Variants in WDR25 observed in about 807,000 individuals in gnomAD.
WDR25 encodes the protein WD repeat-containing protein 25.
A neutral mutation model predicts 47.7 loss-of-function variants in WDR25; 35 were observed. That is an observed-to-expected ratio of 0.73 (90% CI 0.56 to 0.97). The LOEUF (loss-of-function observed/expected upper bound fraction) is 0.97. Ranked by LOEUF, WDR25 falls within the 50% of genes least tolerant of loss-of-function variation. The pLI, the probability that WDR25 is intolerant of heterozygous loss-of-function variation, is 0.00. For synonymous variants in WDR25, 248 were observed against 278.9 expected (o/e 0.89, Z 1.10); for missense variants, 634 against 704.7 (o/e 0.90, Z 1.14).
At position 100,518,773 on chromosome 14, in the gene WDR25, C is replaced by T. The variant is rs140832093; in HGVS notation, c.1102-7097C>T. On this transcript the variant is annotated intron_variant, in intron 4 of 6. Transcript: ENST00000402312. ...AGGCATTGCAACGTGTGCCTGTAGT[C>T]CCAGCTAGAGGACGGGAGGCTGAGG... Among the ~76,000 whole-genome samples, 437 of 152,020 alleles carry T rather than the reference C, an allele frequency of 2.9e-3. 5 individuals carry two copies. Among genetic ancestry groups the T allele is most frequent in the South Asian group, 0.027 (130 of 4,802 alleles).
intron 5 of WDR25, 48 bp downstream of exon 5, chr14:100,526,088 A>G (rs1595089818): frequency 6.2e-7 from 1 of 1,602,156 alleles, no homozygotes; most frequent in Non-Finnish European, 8.5e-7. Context: ...CACAGAGCGT[A>G]TCCATGTAGT....
In WDR25 at chr14:100,407,018, C is replaced by T. The variant is rs1897558187; in HGVS notation, c.822+25272C>T. 1 of 152,306 alleles carries T rather than the reference C, an allele frequency of 6.6e-6. No individual in the cohort carries two copies. Among genetic ancestry groups the T allele is most frequent in the Non-Finnish European group, 1.5e-5 (1 of 68,078 alleles). The allele number at this position is 152,306 out of a possible 1,614,324, so 9.4% of individuals were successfully genotyped here. A position where few individuals can be genotyped will look rare whatever the true frequency, so the allele number is the denominator to read the frequency against. On this transcript the variant is annotated intron_variant, in intron 2 of 6. Coordinates refer to ENST00000402312, the MANE Select transcript of WDR25 (RefSeq NM_001161476.3). This position sits in a 1 kb window ranked among gnomAD's most constrained non-coding sequence, Gnocchi z 4.1. ...AGCGAGGCTGCAGGTGTGAGAAGGA[C>T]CCCGCCGTGCCAGGGCAGCCTCAAG...
intron 2 of WDR25, among the ~76,000 whole-genome samples, chr14:100,409,273 C>T (rs949881489): frequency 6.6e-6 from 1 of 152,222 alleles, no homozygotes; most frequent in Admixed American, 6.5e-5. Flanking sequence ...ACTGGTTAAG[C>T]GTGTCTGGCG....
intron 2 of WDR25, among the ~76,000 whole-genome samples, chr14:100,445,785 A>G (rs1001551409): frequency 6.6e-5 from 10 of 152,196 alleles, no homozygotes; most frequent in Non-Finnish European, 1.2e-4. Flanking sequence ...CTGGGAGAAT[A>G]AGGACCAGGC....
chr14:100,496,457 A>G (rs1595147177), intron 4 of WDR25, among the ~76,000 whole-genome samples: 1 of 151,872 alleles, frequency 6.6e-6, no homozygotes, highest in Admixed American at 6.6e-5. Context: ...GATTTTCTCT[A>G]TTGTTTTTCT....
chr14:100,469,830 C>T (rs1245392232), intron 3 of WDR25, among the ~76,000 whole-genome samples: 1 of 152,204 alleles, frequency 6.6e-6, no homozygotes, highest in Non-Finnish European at 1.5e-5. Context: ...CACAAACCAG[C>T]AAGTGACAGA....
At chr14:100,456,269 A>G (rs1244603004) in intron 2 of WDR25, among the ~76,000 whole-genome samples, 2 of 152,194 alleles carry the variant, frequency 1.3e-5, no homozygotes, top group East Asian at 3.9e-4. Context: ...GCTTGAGCCC[A>G]GGAGTTCAAG....
At position 100,425,348 on chromosome 14, in the gene WDR25, T is replaced by C. The variant is rs1898137439; in HGVS notation, c.823-42673T>C. Among the ~76,000 whole-genome samples, 1 of 152,156 alleles carries C rather than the reference T, an allele frequency of 6.6e-6. No individual in the cohort carries two copies. Among genetic ancestry groups the C allele is most frequent in the South Asian group, 2.1e-4 (1 of 4,822 alleles). On this transcript the variant is annotated intron_variant, in intron 2 of 6. Transcript: ENST00000402312. This position sits in a 1 kb window ranked among gnomAD's most constrained non-coding sequence, Gnocchi z 4.8. ...CTCATTCCAGTGCCCAGCACAGGGG[T>C]GGCACACACCCAGGAGTAGCTGTTG...
At chr14:100,447,598 C>T (rs1226355905) in intron 2 of WDR25, among the ~76,000 whole-genome samples, 1 of 152,150 alleles carries the variant, frequency 6.6e-6, no homozygotes, top group Non-Finnish European at 1.5e-5. Flanking sequence ...GACTTGAGTG[C>T]TCTGTTTGGT....
chr14:100,429,999 G>A (rs1898280802), intron 2 of WDR25, among the ~76,000 whole-genome samples: 1 of 152,064 alleles, frequency 6.6e-6, no homozygotes, highest in Admixed American at 6.6e-5. Context: ...TGAATTTTGG[G>A]GAAGACACAT....
At position 100,449,487 on chromosome 14, in the gene WDR25, T is replaced by G. The variant is rs1308263514; in HGVS notation, c.823-18534T>G. On this transcript the variant is annotated intron_variant, in intron 2 of 6. Transcript: ENST00000402312. This position sits in a 1 kb window ranked among gnomAD's most constrained non-coding sequence, Gnocchi z 4.2. Reference sequence around the variant, plus strand: ...GCCCTGGCTGGCTGTTGCATTGGGGTGGGAGAGGCTGTCTCAGCTGGGTCT... The same window carrying G: ...GCCCTGGCTGGCTGTTGCATTGGGGGGGGAGAGGCTGTCTCAGCTGGGTCT... 2.0e-5 allele frequency among the ~76,000 whole-genome samples: 3 copies of G among 152,088 alleles called. No individual in the cohort carries two copies. Among genetic ancestry groups the G allele is most frequent in the Admixed American group, 2.0e-4 (3 of 15,268 alleles).
chr14:100,480,938 C>T (rs1900176245), intron 3 of WDR25: 1 of 397,434 alleles, frequency 2.5e-6, no homozygotes, highest in Admixed American at 3.7e-5. Flanking sequence ...ATGCACCCTC[C>T]CCATTGCCAG....
intron 2 of WDR25, among the ~76,000 whole-genome samples, chr14:100,459,894 G>GTGTGTA (rs1172584092): frequency 2.7e-4 from 21 of 78,278 alleles, no homozygotes; most frequent in South Asian, 6.1e-4. Flanking sequence ...GTGTGTGTGT[G>GTGTGTA]TATATATATA....
In WDR25 at chr14:100,525,759, C is replaced by A. The variant is rs1361706580; in HGVS notation, c.1102-111C>A. The A allele has an allele frequency of 3.9e-6, 5 of 1,284,400 alleles. No homozygotes were observed. Among genetic ancestry groups the A allele is most frequent in the Non-Finnish European group, 4.3e-6 (4 of 939,840 alleles). The allele number at this position is 1,284,400 out of a possible 1,614,324, so 79.6% of individuals were successfully genotyped here. A position where few individuals can be genotyped will look rare whatever the true frequency, so the allele number is the denominator to read the frequency against. On this transcript the variant is annotated intron_variant, in intron 4 of 6. Coordinates refer to ENST00000402312, the MANE Select transcript of WDR25 (RefSeq NM_001161476.3). The surrounding 1 kb of genome is among the most constrained non-coding windows in gnomAD (Gnocchi z 4.6). ...GCTGCTCAGCCTGGGTGTGTGTGGC[C>A]CAGCATAAACTTCACTAAACCTGCC...
chr14:100,382,142 G>A (rs1480916758), intron 2 of WDR25: 12 of 702,900 alleles, frequency 1.7e-5, no homozygotes, highest in Non-Finnish European at 2.9e-5. Flanking sequence ...TTCAAGGGCT[G>A]TTGGGAGAGG....
chr14:100,380,917 G>C lies in WDR25; in HGVS notation c.-8G>C. The C allele has an allele frequency of 1.2e-6, 2 of 1,608,160 alleles. No individual in the cohort carries two copies. Among genetic ancestry groups the C allele is most frequent in the Non-Finnish European group, 1.7e-6 (2 of 1,175,094 alleles). ...GACCTTGTTTGATCTTAGGTGGTTTGGCTTTGAATGACAGCAAGAACTCTG... is the reference window on the plus strand; with the variant it reads ...GACCTTGTTTGATCTTAGGTGGTTTCGCTTTGAATGACAGCAAGAACTCTG... On this transcript the variant is annotated 5_prime_UTR_variant, in exon 2 of 7. Transcript: ENST00000402312.
intron 4 of WDR25, among the ~76,000 whole-genome samples, chr14:100,512,303 A>G (rs866435534): frequency 1.2e-4 from 18 of 152,304 alleles, no homozygotes; most frequent in African/African-American, 3.4e-4. Context: ...CTGATTTTCT[A>G]TTAATCTTTG....
At chr14:100,420,221 A>G (rs1424983613) in intron 2 of WDR25, among the ~76,000 whole-genome samples, 1 of 152,046 alleles carries the variant, frequency 6.6e-6, no homozygotes, top group African/African-American at 2.4e-5. Context: ...GGCCCTGGCA[A>G]CCCCTTCCCC....
intron 4 of WDR25, among the ~76,000 whole-genome samples, chr14:100,516,716 AT>A (rs952850258): frequency 6.6e-6 from 1 of 151,694 alleles, no homozygotes; most frequent in African/African-American, 2.4e-5. Flanking sequence ...AATATGGTAT[AT>A]TTTTTTATCC....
Sources: allele counts gnomAD v4.1 joint callset (sites outside exome capture counted in the v4.1 genomes callset), GRCh38; gene constraint gnomAD v4.1.1; non-coding constraint Gnocchi (gnomAD v3.1); transcripts MANE v1.5; gene names NCBI Gene and HGNC (gene_info 2026-07-23, HGNC 2026-07-21).